Variants in DDX17 observed in about 807,000 individuals in gnomAD.
DDX17 encodes probable ATP-dependent RNA helicase DDX17.
DDX17 carries 10 observed loss-of-function variants against 80.8 expected under a neutral mutation model. That is an observed-to-expected ratio of 0.12 (90% CI 0.08 to 0.21). The LOEUF is 0.21. Ranked by LOEUF, DDX17 falls within the 10% of genes least tolerant of loss-of-function variation. DDX17 has a pLI of 1.00. For missense variants in DDX17, 586 were observed against 957.4 expected (o/e 0.61, Z 5.12); for synonymous variants, 339 against 336.2 (o/e 1.01, Z -0.09).
At chr22:38,498,877 T>C (rs1370309778) in intron 3 of DDX17, among the ~76,000 whole-genome samples, 2 of 151,572 alleles carry the variant, frequency 1.3e-5, no homozygotes, top group African/African-American at 4.9e-5. Context: ...TTAGCCAGAG[T>C]GGTGGTGGGC....
Position 38,492,121 on chromosome 22 carries a change from AAAAC to A in DDX17, c.1388-10_1388-7del, listed in dbSNP as rs1162611112. Reference sequence around the variant, plus strand: ...TGCCTTTCCAGAACGGAACTCTGTAAAAACAAACAATAATCATCATCAAATAAGC... The same window carrying A: ...TGCCTTTCCAGAACGGAACTCTGTAAAAACAATAATCATCATCAAATAAGC... On this transcript the variant is annotated splice_polypyrimidine_tract_variant and splice_region_variant and intron_variant, in intron 10 of 12. Transcript: ENST00000403230. The A allele has an allele frequency of 6.2e-7, 1 of 1,607,576 alleles. No individual in the cohort carries two copies. The highest frequency in any genetic ancestry group is 1.3e-5 in the African/African-American group (1 of 74,690).
chr22:38,493,104 A>T (rs1343731604), intron 10 of DDX17, among the ~76,000 whole-genome samples: 1 of 152,190 alleles, frequency 6.6e-6, no homozygotes, highest in Non-Finnish European at 1.5e-5. Flanking sequence ...AATCAACTAT[A>T]CAACAGGGGT....
intron 8 of DDX17, 191 bp downstream of exon 8, chr22:38,494,439 C>G: frequency 1.5e-6 from 1 of 671,904 alleles, no homozygotes; most frequent in Non-Finnish European, 2.4e-6. Flanking sequence ...ATTTCAAACT[C>G]AAGAATTCAG....
intron 10 of DDX17, chr22:38,493,447 A>G: frequency 5.4e-6 from 2 of 367,766 alleles, no homozygotes; most frequent in African/African-American, 2.1e-5. Flanking sequence ...TCAGCCTCCC[A>G]AAGTGTTAGG....
At chr22:38,500,068 C>T (rs186591225) in intron 2 of DDX17, among the ~76,000 whole-genome samples, 165 of 148,600 alleles carry the variant, frequency 1.1e-3, no homozygotes, top group African/African-American at 3.9e-3. Flanking sequence ...CCCAGCTACT[C>T]GGGAGGCTGA....
intron 5 of DDX17, 55 bp downstream of exon 5, chr22:38,498,030 T>G: frequency 2.6e-6 from 4 of 1,539,742 alleles, no homozygotes; most frequent in Non-Finnish European, 3.6e-6. Flanking sequence ...CAAGCCTAAA[T>G]AGTCGCTAAA....
chr22:38,485,950 AGGAGGAGGG>A lies in DDX17; in HGVS notation c.2166_2174del (p.Pro724_Pro726del), dbSNP rs1270759991. Reference sequence around the variant, plus strand: ...TTGAGTGGTTTCATTTACGTGAAGGAGGAGGAGGGGGAGGAGGAGGAGGGTATTGGTAGG... The same window carrying A: ...TTGAGTGGTTTCATTTACGTGAAGGAGGAGGAGGAGGAGGGTATTGGTAGG... On this transcript the variant is annotated inframe_deletion, in exon 13 of 13. Transcript: ENST00000403230. 6.2e-7 allele frequency: 1 copy of A among 1,613,284 alleles called. No individual in the cohort carries two copies.
At chr22:38,503,683 T>G (rs1312322493) in intron 1 of DDX17, among the ~76,000 whole-genome samples, 1 of 152,230 alleles carries the variant, frequency 6.6e-6, no homozygotes, top group African/African-American at 2.4e-5. Flanking sequence ...AGTAATTAGT[T>G]TAATTTGGCT....
chr22:38,494,731 A>C lies in DDX17; in HGVS notation c.1113T>G (p.Leu371=). The stretch of plus-strand genomic sequence containing the variant: ...CTACGTTGATCTGGGTGTAATCACG[A>C]AGGAAATCCTCTGCAAGCTGTCTTA... Residue 371 remains leucine, a synonymous_variant, in exon 8 of 13, where the codon CTT becomes CTG. Transcript: ENST00000403230. 4 of 1,614,198 alleles carry C rather than the reference A, an allele frequency of 2.5e-6. No individual in the cohort carries two copies. The highest frequency in any genetic ancestry group is 3.4e-6 in the Non-Finnish European group (4 of 1,180,034).
At chr22:38,487,234 C>G (rs2089669216) in intron 12 of DDX17, among the ~76,000 whole-genome samples, 1 of 152,152 alleles carries the variant, frequency 6.6e-6, no homozygotes, top group Non-Finnish European at 1.5e-5. Flanking sequence ...GTGGCTCACT[C>G]CTGTAATCTC....
At chr22:38,490,575 A>C (rs2089704135) in intron 11 of DDX17, 1 of 676,042 alleles carries the variant, frequency 1.5e-6, no homozygotes, top group African/African-American at 1.9e-5. Flanking sequence ...AAATTATGGG[A>C]ATCAAAGAAC....
chr22:38,495,403 G>A (rs2089751768), intron 6 of DDX17, among the ~76,000 whole-genome samples: 1 of 152,004 alleles, frequency 6.6e-6, no homozygotes. Flanking sequence ...CTGCCACCAC[G>A]CCTGGCTAAT....
chr22:38,496,394 C>A (rs544014254), intron 5 of DDX17, among the ~76,000 whole-genome samples: 1 of 152,320 alleles, frequency 6.6e-6, no homozygotes, highest in East Asian at 1.9e-4. Flanking sequence ...ATCGCCCAGG[C>A]TGGAGTGCAG....
At chr22:38,498,902 C>G (rs1045011447) in intron 3 of DDX17, among the ~76,000 whole-genome samples, 1 of 152,148 alleles carries the variant, frequency 6.6e-6, no homozygotes, top group Non-Finnish European at 1.5e-5. Flanking sequence ...GTAATTCCAG[C>G]TACTCGGGAG....
rs777538338 is a variant in DDX17, at chr22:38,492,156, T to C, written c.1388-41A>G. ...ATAATCATCATCAAATAAGCATTCC[T>C]TGCTATCTGATCTGTTTACATAACC... On this transcript the variant is annotated intron_variant, in intron 10 of 12. Transcript: ENST00000403230. 11 of 1,539,234 alleles carry C rather than the reference T, an allele frequency of 7.1e-6. No homozygotes were observed. The Admixed American group carries it at 1.1e-4, about 15-fold the overall frequency.
At position 38,489,997 on chromosome 22, in the gene DDX17, A is replaced by G. The variant is rs1380077092; in HGVS notation, c.1448-1882T>C. The G allele has an allele frequency of 2.0e-6, 2 of 1,021,344 alleles. No individual in the cohort carries two copies. The highest frequency in any genetic ancestry group is 2.4e-6 in the Non-Finnish European group (2 of 850,676). 63.3% of individuals were successfully genotyped at this position (1,021,344 alleles called of 1,614,324 possible). On this transcript the variant is annotated intron_variant, in intron 11 of 12. Transcript: ENST00000403230. The surrounding 1 kb of genome is among the most constrained non-coding windows in gnomAD (Gnocchi z 4.6). ...TTCCTAGCAGAAAGCACCAGGGTGG[A>G]GTCAACAGTTCACATGCTAATACTT...
At chr22:38,488,490 G>A (rs1384353287) in intron 11 of DDX17, 2 of 1,085,440 alleles carry the variant, frequency 1.8e-6, no homozygotes, top group Middle Eastern at 4.3e-4. Flanking sequence ...GAACAAAGTG[G>A]TAAACCACTG....
At chr22:38,487,737 G>T in intron 12 of DDX17, 142 bp downstream of exon 12, 1 of 787,596 alleles carries the variant, frequency 1.3e-6, no homozygotes, top group Non-Finnish European at 2.1e-6. Flanking sequence ...GTTGAAAAAG[G>T]TTATAAAAAG....
intron 3 of DDX17, among the ~76,000 whole-genome samples, chr22:38,499,151 G>A (rs1435070293): frequency 2.0e-5 from 3 of 152,130 alleles, no homozygotes; most frequent in Non-Finnish European, 4.4e-5. Flanking sequence ...TATCCAGCTA[G>A]AAAGCAATTT....
Sources: allele counts gnomAD v4.1 joint callset (sites outside exome capture counted in the v4.1 genomes callset), GRCh38; gene constraint gnomAD v4.1.1; non-coding constraint Gnocchi (gnomAD v3.1); transcripts MANE v1.5; gene names NCBI Gene and HGNC (gene_info 2026-07-23, HGNC 2026-07-21).